INF2: variants seen among roughly 807,000 people sequenced by gnomAD.
INF2 encodes inverted formin 2, also known as inverted formin-2.
INF2 carries 43 observed loss-of-function variants against 123.5 expected under a neutral mutation model. That is an observed-to-expected ratio of 0.35 (90% confidence interval 0.27 to 0.45). The LOEUF (loss-of-function observed/expected upper bound fraction) is 0.45. INF2 is among the 20% of genes least tolerant of loss of function. INF2 has a pLI of 1.00. For missense variants in INF2, 1,453 were observed against 1,682.7 expected (o/e 0.86, Z 2.39); for synonymous variants, 851 against 745.0 (o/e 1.14, Z -2.32).
Position 104,711,198 on chromosome 14 carries a change from T to G in INF2, c.2418+12T>G, listed in dbSNP as rs1457718114. ...ACCACGTGCTGGAGGTGGGCCGTGGTGGCGGGGGCATAATGGGAGGGCTTC... is the reference window on the plus strand; with the variant it reads ...ACCACGTGCTGGAGGTGGGCCGTGGGGGCGGGGGCATAATGGGAGGGCTTC... On this transcript the variant is annotated intron_variant, in intron 15 of 22. Transcript: ENST00000392634. 3 of 1,549,234 alleles carry G rather than the reference T, an allele frequency of 1.9e-6. No individual in the cohort carries two copies. In the South Asian group the frequency reaches 3.6e-5, roughly 18 times the overall value.
At position 104,713,418 on chromosome 14, in the gene INF2, G is replaced by A. The variant is rs202124201; in HGVS notation, c.2879-27G>A. 356 of 1,603,228 alleles carry A rather than the reference G, an allele frequency of 2.2e-4. No individual in the cohort carries two copies. In the African/African-American group the frequency reaches 4.2e-3, roughly 19 times the overall value. The stretch of plus-strand genomic sequence containing the variant: ...TAGGTGGGCTCCAGGGTCCCATGCC[G>A]CTCTCTGAGTGCCCCACGCTCCTCA... On this transcript the variant is annotated intron_variant, in intron 19 of 22. Coordinates refer to ENST00000392634, the MANE Select transcript of INF2 (RefSeq NM_022489.4).
chr14:104,707,715 C>T lies in INF2; in HGVS notation c.1448C>T (p.Ser483Phe), dbSNP rs753188664. The T allele has an allele frequency of 1.3e-4, 165 of 1,277,168 alleles. No homozygotes were observed. In the Middle Eastern group the frequency reaches 4.4e-3, roughly 34 times the overall value. 79.1% of individuals were successfully genotyped at this position (1,277,168 alleles called of 1,614,324 possible). A position where few individuals can be genotyped will look rare whatever the true frequency, so the allele number is the denominator to read the frequency against. ...APPLPPPLPGSCEFLPPPPPP... is the reference protein window; with the variant it reads ...APPLPPPLPGFCEFLPPPPPP... ...CCTCTACCACCACCCCTGCCAGGCT[C>T]CTGTGAGTTCCTGCCCCCACCACCT... The change falls in exon 8 of 23, where the codon TCC becomes TTC. Residue 483 changes from serine to phenylalanine, a missense_variant. Ser to Phe is a radical substitution (Grantham distance 155). Coordinates refer to ENST00000392634, the MANE Select transcript of INF2 (RefSeq NM_022489.4).
chr14:104,699,916 C>A lies in INF2; in HGVS notation c.-9-1441C>A, dbSNP rs897257500. ...TGCCTCCTGGAAGGAGCCCACTGGC[C>A]CCCTGGGGCAGTTGGACAGGTGGAG... On this transcript the variant is annotated intron_variant, in intron 1 of 22. Coordinates refer to ENST00000392634, the MANE Select transcript of INF2 (RefSeq NM_022489.4). The surrounding 1 kb of genome is among the most constrained non-coding windows in gnomAD (Gnocchi z 4.7). Among the ~76,000 whole-genome samples, 1 of 152,114 alleles carries A rather than the reference C, an allele frequency of 6.6e-6. No individual in the cohort carries two copies. Among genetic ancestry groups the A allele is most frequent in the Non-Finnish European group, 1.5e-5 (1 of 67,994 alleles).
At chr14:104,690,139 C>G (rs1888870086) in intron 1 of INF2, 2 of 152,218 alleles carry the variant, frequency 1.3e-5, no homozygotes, top group Non-Finnish European at 2.9e-5. Context: ...GGTGGCACCC[C>G]GAGGTGCGCG....
At chr14:104,709,107 G>T (rs1040732236) in intron 10 of INF2, among the ~76,000 whole-genome samples, 174 bp from the exon 11 acceptor site, 1 of 152,132 alleles carries the variant, frequency 6.6e-6, no homozygotes, top group Non-Finnish European at 1.5e-5. Context: ...GTGGGAGTCA[G>T]CCTGGGTCCC....
At position 104,713,785 on chromosome 14, in the gene INF2, C is replaced by T. The variant is rs1217228210; in HGVS notation, c.3040+179C>T. Reference sequence around the variant, plus strand: ...GGTGGCCGCTCAGCCCTCATCCCTCCCTCCACTCACTCCAGCTCCTCCACT... The same window carrying T: ...GGTGGCCGCTCAGCCCTCATCCCTCTCTCCACTCACTCCAGCTCCTCCACT... On this transcript the variant is annotated intron_variant, in intron 20 of 22. Transcript: ENST00000392634. Among the ~76,000 whole-genome samples the T allele has an allele frequency of 2.0e-5, 3 of 152,228 alleles. No homozygotes were observed. The East Asian group carries it at 5.8e-4, about 29-fold the overall frequency.
rs1890572973 is a variant in INF2 at position 104,722,172 on chromosome 14, G to C, written c.*3379G>C. ...TAATTCGGGCTGAGCCGTGTGACTG[G>C]CAGGGGCCCCAGCTGTTGGGCCTGG... is the stretch of plus-strand genomic sequence containing the variant. On this transcript the variant is annotated 3_prime_UTR_variant, in exon 23 of 23. Coordinates refer to ENST00000392634, the MANE Select transcript of INF2 (RefSeq NM_022489.4). The C allele has an allele frequency of 6.6e-6, 1 of 152,286 alleles. No individual in the cohort carries two copies. The highest frequency in any genetic ancestry group is 2.1e-4 in the South Asian group (1 of 4,842). 9.4% of individuals were successfully genotyped at this position (152,286 alleles called of 1,614,324 possible).
rs1367555990 is a variant in INF2, at chr14:104,683,940, T to C, written c.-104+2358T>C. On this transcript the variant is annotated intron_variant, in intron 1 of 2. Coordinates refer to the INF2 transcript ENST00000674723. ...GGCAGACTATGGGTTGGGGTGCGGG[T>C]GGGTCTCAGGCACTTCCCTGCTCTC... The C allele has an allele frequency of 1.4e-5, 6 of 420,266 alleles. No homozygotes were observed. The East Asian group carries it at 4.3e-4, about 30-fold the overall frequency. 26.0% of individuals were successfully genotyped at this position (420,266 alleles called of 1,614,324 possible).
chr14:104,697,147 G>T (rs1889229977), intron 1 of INF2, among the ~76,000 whole-genome samples: 1 of 152,228 alleles, frequency 6.6e-6, no homozygotes, highest in African/African-American at 2.4e-5. Flanking sequence ...AGGGGAGGGG[G>T]CTGTCCCAGG....
chr14:104,686,099 G>A (rs780447715), upstream of INF2, among the ~76,000 whole-genome samples: 105 of 150,708 alleles, frequency 7.0e-4, no homozygotes, highest in Admixed American at 2.6e-4. Context: ...GTGGGTAGGT[G>A]GTTAGATGGG....
rs369283834 is a variant in INF2 at position 104,711,617 on chromosome 14, G to T, written c.2419-12G>T. On this transcript the variant is annotated splice_polypyrimidine_tract_variant and intron_variant, in intron 15 of 22. Coordinates refer to ENST00000392634, the MANE Select transcript of INF2 (RefSeq NM_022489.4). ...GACCACAGTGGATCTCACTGGACGT[G>T]TCCCATTGCAGGAAGCGGAAAAGAG... 3 of 1,612,124 alleles carry T rather than the reference G, an allele frequency of 1.9e-6. No individual in the cohort carries two copies. In the East Asian group the frequency reaches 6.7e-5, roughly 36 times the overall value.
intron 4 of INF2, 39 bp downstream of exon 4, chr14:104,703,493 G>T: frequency 3.7e-6 from 6 of 1,604,876 alleles, no homozygotes; most frequent in Non-Finnish European, 4.2e-6. Flanking sequence ...GCTCCTGCCC[G>T]CCTCTTGGCC....
rs758971983 is a variant in INF2 at position 104,722,469 on chromosome 14, T to C, written c.*3676T>C. 3.9e-5 allele frequency: 6 copies of C among 152,242 alleles called. No homozygotes were observed. Among genetic ancestry groups the C allele is most frequent in the African/African-American group, 1.2e-4 (5 of 41,430 alleles). The allele number at this position is 152,242 out of a possible 1,614,324, so 9.4% of individuals were successfully genotyped here. On this transcript the variant is annotated 3_prime_UTR_variant, in exon 23 of 23. Coordinates refer to ENST00000392634, the MANE Select transcript of INF2 (RefSeq NM_022489.4). ...AGCACCTCCTTGTCTGATGGGACTT[T>C]GTGGTTCCTGGTGGACATTTAACAT...
In INF2 at chr14:104,694,951, A is replaced by C. The variant is rs1257158280; in HGVS notation, c.-10+5212A>C. On this transcript the variant is annotated intron_variant, in intron 1 of 22. Transcript: ENST00000392634. ...AACCCTGAAGCCGGGGCCTGGCTCC[A>C]ATGAGCTGCTGCCCTTCCCCCTCCC... is the stretch of plus-strand genomic sequence containing the variant. Among the ~76,000 whole-genome samples, 3 of 152,134 alleles carry C rather than the reference A, an allele frequency of 2.0e-5. No individual in the cohort carries two copies. In the South Asian group the frequency reaches 6.2e-4, roughly 32 times the overall value.
chr14:104,716,671 C>T (rs888600946), intron 22 of INF2, among the ~76,000 whole-genome samples: 5 of 152,220 alleles, frequency 3.3e-5, no homozygotes, highest in African/African-American at 1.2e-4. Flanking sequence ...GGAAGAAGTC[C>T]TCTTCTCTCC....
chr14:104,715,557 A>G (rs1330920667), intron 22 of INF2, among the ~76,000 whole-genome samples: 1 of 152,114 alleles, frequency 6.6e-6, no homozygotes, highest in Non-Finnish European at 1.5e-5. Context: ...TGCCTCCTGC[A>G]GGCAGGACGC....
Position 104,699,452 on chromosome 14 carries a change from G to A in INF2, c.-9-1905G>A. The A allele has an allele frequency of 1.0e-6, 1 of 985,348 alleles. No homozygotes were observed. The highest frequency in any genetic ancestry group is 1.1e-4 in the East Asian group (1 of 8,790). 61.0% of individuals were successfully genotyped at this position (985,348 alleles called of 1,614,324 possible). On this transcript the variant is annotated intron_variant, in intron 1 of 22. Coordinates refer to ENST00000392634, the MANE Select transcript of INF2 (RefSeq NM_022489.4). This position sits in a 1 kb window ranked among gnomAD's most constrained non-coding sequence, Gnocchi z 4.7. ...CCTACTGCCACCAGGAGGGGCGTTG[G>A]GGACCTGAGGCTGCCTGGGAGGGAC...
chr14:104,695,395 C>A (rs925435730), intron 1 of INF2, among the ~76,000 whole-genome samples: 3 of 152,164 alleles, frequency 2.0e-5, no homozygotes, highest in African/African-American at 7.2e-5. Context: ...TCAGGGAGCA[C>A]CCCGTTGGCC....
intron 1 of INF2, among the ~76,000 whole-genome samples, chr14:104,694,158 C>G (rs574689113): frequency 6.6e-5 from 10 of 152,356 alleles, no homozygotes; most frequent in African/African-American, 2.4e-4. Flanking sequence ...AGCCATGGGC[C>G]GGACCCAGGA....
Sources: gnomAD v4.1 joint callset for allele counts (sites outside exome capture counted in the v4.1 genomes callset) on GRCh38, gnomAD v4.1.1 for gene constraint, Gnocchi (gnomAD v3.1) non-coding constraint, MANE v1.5 for transcripts, NCBI Gene and HGNC (gene_info 2026-07-23, HGNC 2026-07-21) for gene names.